EXOC1: variants seen among roughly 807,000 people sequenced by gnomAD.
EXOC1 encodes the protein exocyst complex component 1, also known as SEC3-like 1.
Under a neutral mutation model 107.7 loss-of-function variants are expected in EXOC1, and 67 were observed. That is an observed-to-expected ratio of 0.62 (90% CI 0.51 to 0.76). EXOC1 has a LOEUF of 0.76. Ranked by LOEUF, EXOC1 falls within the 30% of genes least tolerant of loss-of-function variation. The probability of loss-of-function intolerance (pLI) is 0.00; values close to 1 mark genes in which losing one functional copy is unlikely to be tolerated. For missense variants in EXOC1, 833 were observed against 1,055.7 expected (o/e 0.79, Z 2.92); for synonymous variants, 348 against 353.5 (o/e 0.98, Z 0.17).
rs968145029 is a variant in EXOC1, at chr4:55,877,981, C to T, written c.1139C>T (p.Pro380Leu). 1 of 1,613,844 alleles carries T rather than the reference C, an allele frequency of 6.2e-7. No individual in the cohort carries two copies. Among genetic ancestry groups the T allele is most frequent in the Non-Finnish European group, 8.5e-7 (1 of 1,179,898 alleles). The change falls in exon 9 of 19, where the codon CCA (proline) becomes CTA (leucine). Residue 380 changes from proline (P) to leucine (L), a missense_variant. This residue lies in a region of EXOC1 where 617 missense variants were observed against 701.3 expected (regional missense o/e 0.88). Transcript: ENST00000381295. ...GAACTGACTTTACCCAATCATCATC[C>T]ATTTCATAGAGATTTGCTCCGATAT... Reference protein sequence around the residue: ...SVELTLPNHHPFHRDLLRYAK... With the variant: ...SVELTLPNHHLFHRDLLRYAK...
intron 8 of EXOC1, chr4:55,875,477 T>G: frequency 1.0e-6 from 1 of 980,274 alleles, no homozygotes; most frequent in Non-Finnish European, 1.2e-6. Context: ...AAAGTCACTA[T>G]AGCAAAGTGC....
intron 12 of EXOC1, among the ~76,000 whole-genome samples, chr4:55,890,947 C>T (rs1227978448): frequency 2.0e-5 from 3 of 152,112 alleles, no homozygotes; most frequent in Non-Finnish European, 4.4e-5. Context: ...AGGCTGGTTT[C>T]GAACTCCTGA....
intron 8 of EXOC1, chr4:55,876,980 T>C: frequency 1.0e-6 from 1 of 985,402 alleles, no homozygotes; most frequent in Non-Finnish European, 1.2e-6. Context: ...ACCAAGGAAC[T>C]CCTCATTTCC....
chr4:55,898,039 G>C (rs1725445342), intron 16 of EXOC1, among the ~76,000 whole-genome samples: 1 of 152,180 alleles, frequency 6.6e-6, no homozygotes, highest in South Asian at 2.1e-4. Flanking sequence ...GGGATCGCTT[G>C]AGCCCAGGAG....
At chr4:55,857,984 G>A (rs1275136413) in intron 1 of EXOC1, among the ~76,000 whole-genome samples, 1 of 152,008 alleles carries the variant, frequency 6.6e-6, no homozygotes, top group African/African-American at 2.4e-5. Context: ...TTTTTAATGG[G>A]GTTATTTGTC....
intron 18 of EXOC1, among the ~76,000 whole-genome samples, chr4:55,903,146 TTA>T (rs200574828): frequency 0.081 from 7,157 of 88,744 alleles, 280 homozygotes; most frequent in Non-Finnish European, 0.11. Context: ...CGTGTCTCAA[TTA>T]AAAAAAAAAA....
intron 15 of EXOC1, 136 bp downstream of exon 15, chr4:55,893,916 A>C: frequency 1.4e-6 from 1 of 692,118 alleles, no homozygotes. Flanking sequence ...AGGGCATGGC[A>C]ACAATCTACA....
intron 3 of EXOC1, 82 bp from the exon 4 acceptor site, chr4:55,864,145 C>T (rs1477985639): frequency 2.4e-5 from 21 of 882,924 alleles, no homozygotes; most frequent in African/African-American, 3.5e-5. Context: ...CCAAAAACAG[C>T]GTAAATGCCT....
chr4:55,904,625 G>T lies in EXOC1; in HGVS notation c.*130G>T. The T allele has an allele frequency of 1.1e-6, 1 of 872,990 alleles. No individual in the cohort carries two copies. The highest frequency in any genetic ancestry group is 1.6e-6 in the Non-Finnish European group (1 of 615,602). 54.1% of individuals were successfully genotyped at this position (872,990 alleles called of 1,614,324 possible). ...TGTATTATTAAATGTTAGATAAATG[G>T]GTAGTACCATACTACAAATATTTAA... On this transcript the variant is annotated 3_prime_UTR_variant, in exon 19 of 19. Coordinates refer to ENST00000381295, the MANE Select transcript of EXOC1 (RefSeq NM_001024924.2).
At chr4:55,860,631 A>T in intron 3 of EXOC1, 90 bp downstream of exon 3, 2 of 1,435,102 alleles carry the variant, frequency 1.4e-6, no homozygotes, top group Non-Finnish European at 1.9e-6. Context: ...ATCTAAAAAC[A>T]AATTAATATA....
At chr4:55,862,079 C>A (rs1166956887) in intron 3 of EXOC1, among the ~76,000 whole-genome samples, 1 of 152,060 alleles carries the variant, frequency 6.6e-6, no homozygotes, top group Non-Finnish European at 1.5e-5. Context: ...AAAAAAACTT[C>A]TGTAAGTAAT....
At chr4:55,889,495 C>A (rs1724267901) in intron 11 of EXOC1, among the ~76,000 whole-genome samples, 1 of 152,084 alleles carries the variant, frequency 6.6e-6, no homozygotes, top group Non-Finnish European at 1.5e-5. Flanking sequence ...ATGACGGATA[C>A]CAAAATTTTA....
chr4:55,888,244 T>G (rs761791013), intron 10 of EXOC1, among the ~76,000 whole-genome samples: 1 of 152,194 alleles, frequency 6.6e-6, no homozygotes, highest in Non-Finnish European at 1.5e-5. Context: ...ATATTACATC[T>G]GTTCCCTAAA....
At chr4:55,873,031 T>C (rs1722585627) in intron 8 of EXOC1, among the ~76,000 whole-genome samples, 1 of 152,128 alleles carries the variant, frequency 6.6e-6, no homozygotes, top group Non-Finnish European at 1.5e-5. Flanking sequence ...TGTCATTTTT[T>C]CACTCCATTT....
At chr4:55,870,410 G>A (rs1577709094) in intron 5 of EXOC1, among the ~76,000 whole-genome samples, 1 of 152,160 alleles carries the variant, frequency 6.6e-6, no homozygotes, top group East Asian at 1.9e-4. Flanking sequence ...AACCTTACTT[G>A]TGCAGTCTGT....
At chr4:55,867,564 CAAA>C (rs5858354) in intron 4 of EXOC1, among the ~76,000 whole-genome samples, 2 of 131,656 alleles carry the variant, frequency 1.5e-5, no homozygotes, top group African/African-American at 2.8e-5. Context: ...TGTATTTCCT[CAAA>C]AAAAAAAAAA....
At chr4:55,872,478 AAG>A (rs1475517480) in intron 8 of EXOC1, among the ~76,000 whole-genome samples, 2 of 152,078 alleles carry the variant, frequency 1.3e-5, no homozygotes, top group Non-Finnish European at 2.9e-5. Context: ...TGTTATAATT[AAG>A]AGTGTGGTAA....
intron 3 of EXOC1, among the ~76,000 whole-genome samples, chr4:55,861,177 C>T (rs1449393280): frequency 1.3e-5 from 2 of 152,106 alleles, no homozygotes; most frequent in Admixed American, 6.5e-5. Context: ...TCAAGTTGGC[C>T]TCCTTTGATT....
At chr4:55,881,190 C>A (rs1173811738) in intron 9 of EXOC1, among the ~76,000 whole-genome samples, 1 of 152,096 alleles carries the variant, frequency 6.6e-6, no homozygotes, top group Non-Finnish European at 1.5e-5. Flanking sequence ...GCTTGGACTG[C>A]CCAGATTCCC....
Sources: allele counts gnomAD v4.1 joint callset (sites outside exome capture counted in the v4.1 genomes callset), GRCh38; gene constraint gnomAD v4.1.1; regional missense constraint gnomAD v4.1.1; transcripts MANE v1.5; gene names NCBI Gene and HGNC (gene_info 2026-07-23, HGNC 2026-07-21).